Variants in SULT1E1 observed in about 807,000 individuals in gnomAD.
SULT1E1 encodes sulfotransferase 1E1.
A neutral mutation model predicts 33.6 loss-of-function variants in SULT1E1; 36 were observed. That is an observed-to-expected ratio of 1.07 (90% CI 0.82 to 1.41). The LOEUF (loss-of-function observed/expected upper bound fraction) is 1.41. SULT1E1 is among the 40% of genes most tolerant of loss of function. SULT1E1 has a pLI of 0.00. For synonymous variants in SULT1E1, 121 were observed against 111.7 expected (o/e 1.08, Z -0.53); for missense variants, 371 against 345.7 (o/e 1.07, Z -0.58).
chr4:69,821,783 T>C, the SULT1E1 span, among the ~76,000 whole-genome samples: 16 of 152,356 alleles, frequency 1.1e-4, no homozygotes, highest in African/African-American at 3.8e-4. Flanking sequence ...AAATATGTTT[T>C]AATTCTAATC....
downstream of SULT1E1, among the ~76,000 whole-genome samples, chr4:69,838,165 T>G (rs1344761789): frequency 2.6e-5 from 4 of 152,182 alleles, no homozygotes; most frequent in Admixed American, 2.0e-4. Context: ...TCCTCTGTTT[T>G]CCCATCTTTG....
the SULT1E1 span, among the ~76,000 whole-genome samples, chr4:69,834,727 T>C: frequency 6.6e-6 from 1 of 152,134 alleles, no homozygotes; most frequent in Non-Finnish European, 1.5e-5. Flanking sequence ...GAAGAAAGTA[T>C]AGAAGGAAAA....
At position 69,849,535 on chromosome 4, in the gene SULT1E1, TC is replaced by T. The variant is rs1191214644; in HGVS notation, c.397del (p.Asp133MetfsTer11). The T allele has an allele frequency of 5.0e-6, 8 of 1,607,956 alleles. No homozygotes were observed. The highest frequency in any genetic ancestry group is 6.8e-6 in the Non-Finnish European group (8 of 1,177,154). On this transcript the variant is annotated frameshift_variant, in exon 5 of 8. Transcript: ENST00000226444. LOFTEE classifies it high-confidence loss of function. ...GAAATAATAAAAGGAAACAGCCACA[TC>T]CTTTGCATTCCGGCAAAGATAGATT... ...KIIYLCRNAK[D>X]VAVSFYYFFL...
the SULT1E1 span, among the ~76,000 whole-genome samples, chr4:69,826,252 A>T: frequency 1.3e-5 from 2 of 152,260 alleles, no homozygotes; most frequent in African/African-American, 2.4e-5. Context: ...GTAAAGTTCC[A>T]ATACTAACAG....
chr4:69,847,920 G>A (rs1721015200), intron 5 of SULT1E1, 128 bp from the exon 6 acceptor site: 1 of 489,390 alleles, frequency 2.0e-6, no homozygotes, highest in Non-Finnish European at 3.5e-6. Context: ...TAGATCAGCT[G>A]TATATCTTAA....
chr4:69,849,565 TAA>T lies in SULT1E1; in HGVS notation c.370-4_370-3del, dbSNP rs1721058814. 6.3e-7 allele frequency: 1 copy of T among 1,595,374 alleles called. No homozygotes were observed. Among genetic ancestry groups the T allele is most frequent in the Non-Finnish European group, 8.5e-7 (1 of 1,173,018 alleles). ...TGCATTCCGGCAAAGATAGATTATC[TAA>T]GAGGATGAAATTGTATATTAAACCA... On this transcript the variant is annotated splice_polypyrimidine_tract_variant and splice_region_variant and intron_variant, in intron 4 of 7. Coordinates refer to ENST00000226444, the MANE Select transcript of SULT1E1 (RefSeq NM_005420.3).
chr4:69,823,421 A>C, the SULT1E1 span, among the ~76,000 whole-genome samples: 1 of 151,918 alleles, frequency 6.6e-6, no homozygotes. Flanking sequence ...GGTCTCCGAG[A>C]GGGGGATCTC....
the SULT1E1 span, among the ~76,000 whole-genome samples, chr4:69,834,591 C>G: frequency 6.6e-6 from 1 of 152,090 alleles, no homozygotes; most frequent in South Asian, 2.1e-4. Flanking sequence ...ACTCTTAGGC[C>G]AGAGTGATCT....
At chr4:69,838,259 C>T (rs535613284), downstream of SULT1E1, among the ~76,000 whole-genome samples, 4 of 151,854 alleles carry the variant, frequency 2.6e-5, no homozygotes, top group South Asian at 2.1e-4. Flanking sequence ...CCATTGTTTT[C>T]CTGTATCCAG....
the SULT1E1 span, among the ~76,000 whole-genome samples, chr4:69,825,948 G>A: frequency 1.1e-4 from 17 of 152,096 alleles, no homozygotes. Context: ...GTAAACTCGA[G>A]GACTCTATTC....
downstream of SULT1E1, among the ~76,000 whole-genome samples, chr4:69,839,825 G>A (rs1036504989): frequency 2.0e-5 from 3 of 152,150 alleles, no homozygotes; most frequent in Admixed American, 6.5e-5. Context: ...GATCCCAGCC[G>A]TATTACTTCT....
At chr4:69,830,721 C>T in the SULT1E1 span, among the ~76,000 whole-genome samples, 4 of 151,014 alleles carry the variant, frequency 2.6e-5, no homozygotes, top group African/African-American at 2.5e-5. Flanking sequence ...CTGTGTCAGT[C>T]TCTGGCACTC....
At chr4:69,843,805 T>C (rs1418045766) in intron 7 of SULT1E1, among the ~76,000 whole-genome samples, 1 of 152,196 alleles carries the variant, frequency 6.6e-6, no homozygotes, top group Admixed American at 6.5e-5. Context: ...GAGAGAGGAA[T>C]AAAATCTTTC....
downstream of SULT1E1, among the ~76,000 whole-genome samples, chr4:69,840,268 A>C (rs145647664): frequency 4.5e-4 from 69 of 152,288 alleles, no homozygotes; most frequent in African/African-American, 1.4e-3. Flanking sequence ...TCAGAAATCC[A>C]TGGACTTTTC....
the SULT1E1 span, among the ~76,000 whole-genome samples, chr4:69,832,096 C>T: frequency 1.3e-5 from 2 of 152,346 alleles, no homozygotes; most frequent in South Asian, 2.1e-4. Context: ...GATCAAGCTC[C>T]TCTTCTGTCC....
intron 3 of SULT1E1, 135 bp downstream of exon 3, chr4:69,855,166 T>G: frequency 1.1e-6 from 1 of 902,112 alleles, no homozygotes; most frequent in South Asian, 2.2e-5. Context: ...AAATTTAAAT[T>G]TAAATTTATA....
At chr4:69,822,271 G>A in the SULT1E1 span, among the ~76,000 whole-genome samples, 3 of 152,124 alleles carry the variant, frequency 2.0e-5, no homozygotes, top group African/African-American at 7.2e-5. Context: ...CACAGGTAAA[G>A]ATACTGAGGC....
chr4:69,846,250 T>C (rs1359811171), intron 6 of SULT1E1, among the ~76,000 whole-genome samples: 9 of 148,330 alleles, frequency 6.1e-5, no homozygotes, highest in Non-Finnish European at 1.3e-4. Flanking sequence ...TTCTTAGTTT[T>C]TTTTTCTTTT....
chr4:69,846,055 G>A lies in SULT1E1; in HGVS notation c.591+1643C>T, dbSNP rs1231587732. ...TATGAATAAGACATGGATATCAATT[G>A]CTTTTTTGGTGATAGTAAAGGATAA... On this transcript the variant is annotated intron_variant, in intron 6 of 7. Transcript: ENST00000226444. Among the ~76,000 whole-genome samples, 4 of 150,504 alleles carry A rather than the reference G, an allele frequency of 2.7e-5. No individual in the cohort carries two copies. In the East Asian group the frequency reaches 7.8e-4, roughly 29 times the overall value.
Sources: gnomAD v4.1 joint callset for allele counts (sites outside exome capture counted in the v4.1 genomes callset) on GRCh38, gnomAD v4.1.1 for gene constraint, MANE v1.5 for transcripts, NCBI Gene and HGNC (gene_info 2026-07-23, HGNC 2026-07-21) for gene names.